WDR27: variants seen among roughly 807,000 people sequenced by gnomAD.
WDR27 encodes the protein WD repeat domain 27.
A neutral mutation model predicts 114.4 loss-of-function variants in WDR27; 100 were observed. The ratio of observed to expected loss-of-function variants is 0.87; its 90% CI spans 0.74 to 1.03. WDR27 has a LOEUF of 1.03. WDR27 is among the 50% of genes least tolerant of loss of function. The pLI is 0.00. For synonymous variants in WDR27, 449 were observed against 423.1 expected, an observed-to-expected ratio of 1.06 and a Z score of -0.75; for missense variants, 1,129 against 1,092.9, an observed-to-expected ratio of 1.03 and a Z score of -0.47.
chr6:169,672,220 A>G, intron 3 of WDR27, 35 bp downstream of exon 3: 2 of 1,603,872 alleles, frequency 1.2e-6, no homozygotes, highest in Non-Finnish European at 8.5e-7. Flanking sequence ...TTCCTTTTGC[A>G]GGTTTTTAAA....
chr6:169,644,314 A>T (rs1263001682), intron 16 of WDR27, among the ~76,000 whole-genome samples: 2 of 148,746 alleles, frequency 1.3e-5, no homozygotes, highest in Admixed American at 6.7e-5. Flanking sequence ...GTCACACTGT[A>T]GAAAAGCCTA....
intron 25 of WDR27, among the ~76,000 whole-genome samples, chr6:169,489,326 G>A (rs935335483): frequency 6.6e-6 from 1 of 152,156 alleles, no homozygotes; most frequent in Non-Finnish European, 1.5e-5. Flanking sequence ...ATTTAGTGTG[G>A]ATTAAAAGCC....
intron 21 of WDR27, among the ~76,000 whole-genome samples, chr6:169,621,353 G>A (rs1417893674): frequency 2.4e-5 from 3 of 127,392 alleles, no homozygotes; most frequent in African/African-American, 9.1e-5. Flanking sequence ...CATGCATGTA[G>A]ACATACGCAC....
intron 25 of WDR27, among the ~76,000 whole-genome samples, chr6:169,480,005 C>T (rs187064566): frequency 0.013 from 1,907 of 152,322 alleles, 42 homozygotes; most frequent in African/African-American, 0.043. Flanking sequence ...AAGGCCAGAG[C>T]CGGCTCCCTC....
At chr6:169,446,200 G>A in the WDR27 span, among the ~76,000 whole-genome samples, 7 of 152,202 alleles carry the variant, frequency 4.6e-5, no homozygotes, top group Admixed American at 6.5e-5. Flanking sequence ...CTGGGGGAGC[G>A]GGAAATCATG....
intron 25 of WDR27, among the ~76,000 whole-genome samples, chr6:169,571,057 C>T (rs1042603604): frequency 3.3e-5 from 5 of 152,096 alleles, no homozygotes; most frequent in African/African-American, 1.2e-4. Flanking sequence ...AATCTTGCTC[C>T]TGAATTTATA....
At chr6:169,481,420 C>T (rs757780657) in intron 25 of WDR27, among the ~76,000 whole-genome samples, 1 of 152,250 alleles carries the variant, frequency 6.6e-6, no homozygotes. Flanking sequence ...TAAAAGCAGG[C>T]TGCCCAAGCC....
rs1438187549 is a variant in WDR27, at chr6:169,645,551, T to C, written c.1658-1765A>G. Among the ~76,000 whole-genome samples the C allele has an allele frequency of 3.3e-5, 5 of 150,560 alleles. No homozygotes were observed. In the East Asian group the frequency reaches 9.9e-4, roughly 30 times the overall value. ...ATCCTAGTTCATACGAGTCACACTGTAGAAATTCCTAGTTCACACGAGTCA... is the reference window on the plus strand; with the variant it reads ...ATCCTAGTTCATACGAGTCACACTGCAGAAATTCCTAGTTCACACGAGTCA... On this transcript the variant is annotated intron_variant, in intron 16 of 25. Transcript: ENST00000448612.
chr6:169,569,679 G>A (rs1273600237), intron 25 of WDR27, among the ~76,000 whole-genome samples: 1 of 152,068 alleles, frequency 6.6e-6, no homozygotes, highest in Non-Finnish European at 1.5e-5. Flanking sequence ...TGTCAAATTA[G>A]AATCAGATCT....
chr6:169,509,752 G>A (rs1792534386), intron 25 of WDR27, among the ~76,000 whole-genome samples: 1 of 151,950 alleles, frequency 6.6e-6, no homozygotes, highest in Admixed American at 6.6e-5. Context: ...ACCAAAAGCA[G>A]TGGCAACAAA....
At chr6:169,468,972 T>C (rs953616513) in intron 25 of WDR27, among the ~76,000 whole-genome samples, 1 of 152,180 alleles carries the variant, frequency 6.6e-6, no homozygotes, top group Non-Finnish European at 1.5e-5. Flanking sequence ...TCTTTTATAA[T>C]GTCTCCAATC....
chr6:169,663,716 G>A (rs563523501), intron 8 of WDR27: 8 of 169,820 alleles, frequency 4.7e-5, no homozygotes, highest in South Asian at 3.0e-4. Context: ...TCTGTGATGC[G>A]CAGGAGACCA....
intron 25 of WDR27, among the ~76,000 whole-genome samples, chr6:169,458,732 A>G (rs186886592): frequency 1.0e-3 from 153 of 151,738 alleles, no homozygotes; most frequent in African/African-American, 3.6e-3. Flanking sequence ...GATTCCAGTG[A>G]GCCAAGATCA....
At chr6:169,664,761 A>G (rs1827302110) in intron 7 of WDR27, 1 of 995,044 alleles carries the variant, frequency 1.0e-6, no homozygotes, top group African/African-American at 1.7e-5. Flanking sequence ...ATGAACTTAA[A>G]AGGCTCACCT....
chr6:169,665,811 G>C (rs567831278), intron 6 of WDR27, among the ~76,000 whole-genome samples: 1 of 152,328 alleles, frequency 6.6e-6, no homozygotes, highest in South Asian at 2.1e-4. Flanking sequence ...GTCCACCACA[G>C]ATGGGTCCCG....
intron 25 of WDR27, among the ~76,000 whole-genome samples, chr6:169,533,784 A>C (rs1795888511): frequency 6.6e-6 from 1 of 152,080 alleles, no homozygotes. Flanking sequence ...ACAAGCAACC[A>C]TGCATCACCA....
intron 23 of WDR27, among the ~76,000 whole-genome samples, chr6:169,584,153 G>A (rs1181729088): frequency 1.3e-5 from 2 of 152,226 alleles, no homozygotes; most frequent in South Asian, 4.1e-4. Context: ...ATTTCACACA[G>A]AAGTGAGATC....
chr6:169,448,673 C>T, the WDR27 span, among the ~76,000 whole-genome samples: 2 of 152,192 alleles, frequency 1.3e-5, no homozygotes, highest in East Asian at 1.9e-4. Flanking sequence ...TCCCCTTCAT[C>T]CCATTCACCG....
At chr6:169,447,107 T>G in the WDR27 span, among the ~76,000 whole-genome samples, 2 of 152,228 alleles carry the variant, frequency 1.3e-5, no homozygotes, top group Non-Finnish European at 2.9e-5. Context: ...ACAATAAAAT[T>G]TTTCCATAAG....
Sources: gnomAD v4.1 joint callset for allele counts (sites outside exome capture counted in the v4.1 genomes callset) on GRCh38, gnomAD v4.1.1 for gene constraint, MANE v1.5 for transcripts, NCBI Gene and HGNC (gene_info 2026-07-23, HGNC 2026-07-21) for gene names.